TNFRSF9: variants seen among roughly 807,000 people sequenced by gnomAD.
TNFRSF9 encodes the protein TNF receptor superfamily member 9.
Under a neutral mutation model 28.8 loss-of-function variants are expected in TNFRSF9, and 16 were observed. The observed-to-expected ratio is 0.55, with a 90% CI of 0.38 to 0.84. TNFRSF9 has a LOEUF of 0.84. Ranked by LOEUF, TNFRSF9 falls within the 40% of genes least tolerant of loss-of-function variation. The pLI, the probability that TNFRSF9 is intolerant of heterozygous loss-of-function variation, is 0.00. For missense variants in TNFRSF9, 303 were observed against 315.0 expected, an observed-to-expected ratio of 0.96 and a Z score of 0.29; for synonymous variants, 131 against 117.0, an observed-to-expected ratio of 1.12 and a Z score of -0.77.
intron 7 of TNFRSF9, among the ~76,000 whole-genome samples, chr1:7,924,156 C>T (rs1043112186): frequency 3.3e-5 from 5 of 152,032 alleles, no homozygotes; most frequent in Non-Finnish European, 5.9e-5. Flanking sequence ...AAAAAACCTA[C>T]TGAGCTGCCA....
intron 7 of TNFRSF9, among the ~76,000 whole-genome samples, chr1:7,922,391 T>C (rs888253767): frequency 2.6e-5 from 4 of 152,192 alleles, no homozygotes; most frequent in Non-Finnish European, 5.9e-5. Flanking sequence ...GGAAGGCCAA[T>C]TGGGTCAGGA....
intron 7 of TNFRSF9, among the ~76,000 whole-genome samples, chr1:7,929,883 G>A (rs1388190949): frequency 6.6e-6 from 1 of 151,840 alleles, no homozygotes; most frequent in East Asian, 1.9e-4. Flanking sequence ...CCCAGAAACC[G>A]CATGAGAGAT....
chr1:7,939,982 A>C lies in TNFRSF9; in HGVS notation c.13T>G (p.Cys5Gly), dbSNP rs556537043. ...AACAGAGTGGCTACTATGTTGTAAC[A>C]GCTGTTTCCCATGATGAAATCTGGC... MGNS[C>G]YNIVATLLLV... Residue 5 changes from cysteine to glycine, a missense_variant, in exon 2 of 8, where the codon TGT becomes GGT. Physicochemically the swap from Cys to Gly is radical, Grantham distance 159. Coordinates refer to ENST00000377507, the MANE Select transcript of TNFRSF9 (RefSeq NM_001561.6). 11 of 1,593,278 alleles carry C rather than the reference A, an allele frequency of 6.9e-6. No homozygotes were observed. In the East Asian group the frequency reaches 2.3e-4, roughly 33 times the overall value.
At position 7,917,969 on chromosome 1, in the gene TNFRSF9, TATATATAGATATAGATAG is replaced by T. The variant is rs1639503633; in HGVS notation, c.*2848_*2865del. ...AAATTACAAAGGATATATATATATA[TATATATAGATATAGATAG>T]ATAGATAGATAGATAGGCAGAATTT... On this transcript the variant is annotated 3_prime_UTR_variant, in exon 8 of 8. Transcript: ENST00000377507. The T allele has an allele frequency of 1.5e-5, 2 of 135,904 alleles. No individual in the cohort carries two copies. The highest frequency in any genetic ancestry group is 6.7e-5 in the African/African-American group (2 of 29,906). The allele number at this position is 135,904 out of a possible 1,614,324, so 8.4% of individuals were successfully genotyped here.
chr1:7,922,807 A>G (rs1639581125), intron 7 of TNFRSF9, among the ~76,000 whole-genome samples: 1 of 151,662 alleles, frequency 6.6e-6, no homozygotes, highest in South Asian at 2.1e-4. Flanking sequence ...GCAAGACTCC[A>G]TCTCAAAAAA....
rs747748444 is a variant in TNFRSF9 at position 7,939,959 on chromosome 1, C to G, written c.36G>C (p.Leu12=). 12 of 1,605,028 alleles carry G rather than the reference C, an allele frequency of 7.5e-6. No homozygotes were observed. The highest frequency in any genetic ancestry group is 4.0e-5 in the African/African-American group (3 of 74,840). ...GNSCYNIVAT[L]LLVLNFERTR... is the part of the protein sequence containing the mutation. ...TCCTCTCAAAGTTGAGGACCAGCAA[C>G]AGAGTGGCTACTATGTTGTAACAGC... Residue 12 remains leucine (L), a synonymous_variant, in exon 2 of 8, where the codon CTG becomes CTC. Transcript: ENST00000377507.
Position 7,920,908 on chromosome 1 carries a change from A to G in TNFRSF9, c.695T>C (p.Val232Ala), listed in dbSNP as rs141498457. 8.0e-5 allele frequency: 129 copies of G among 1,613,238 alleles called. No homozygotes were observed. Among genetic ancestry groups the G allele is most frequent in the Non-Finnish European group, 1.0e-4 (122 of 1,179,664 alleles). ...YIFKQPFMRP[V>A]QTTQEEDGCS... ...GCCATCTTCCTCTTGAGTAGTTTGT[A>G]CTGGTCTCATAAATGCTAAAAAAAA... is the stretch of plus-strand genomic sequence containing the variant. Residue 232 changes from valine to alanine, a missense_variant, in exon 8 of 8, where the codon GTA becomes GCA. Coordinates refer to ENST00000377507, the MANE Select transcript of TNFRSF9 (RefSeq NM_001561.6).
intron 7 of TNFRSF9, among the ~76,000 whole-genome samples, chr1:7,931,017 C>T (rs771643874): frequency 5.9e-5 from 9 of 152,112 alleles, no homozygotes; most frequent in Non-Finnish European, 1.2e-4. Context: ...GCCAAAATAA[C>T]ATGAAAAGGC....
At position 7,927,062 on chromosome 1, in the gene TNFRSF9, TAA is replaced by T. The variant is rs71567330; in HGVS notation, c.679+6098_679+6099del. ...AACATGGTGAGACTCTGTCTCAAAATAAAAAAAAAAATTACCCAGGCATGCAG... is the reference window on the plus strand; with the variant it reads ...AACATGGTGAGACTCTGTCTCAAAATAAAAAAAAATTACCCAGGCATGCAG... On this transcript the variant is annotated intron_variant, in intron 7 of 7. Coordinates refer to ENST00000377507, the MANE Select transcript of TNFRSF9 (RefSeq NM_001561.6). 7.4e-5 allele frequency among the ~76,000 whole-genome samples: 11 copies of T among 148,118 alleles called. No homozygotes were observed. In the South Asian group the frequency reaches 2.3e-3, roughly 31 times the overall value.
intron 7 of TNFRSF9, among the ~76,000 whole-genome samples, chr1:7,931,645 AG>A (rs1177013251): frequency 4.6e-5 from 7 of 152,244 alleles, no homozygotes; most frequent in Non-Finnish European, 8.8e-5. Context: ...GTGGGCAAAG[AG>A]GGCTGTGATC....
chr1:7,929,044 G>T (rs1639693911), intron 7 of TNFRSF9, among the ~76,000 whole-genome samples: 1 of 151,854 alleles, frequency 6.6e-6, no homozygotes, highest in Admixed American at 6.6e-5. Flanking sequence ...TTGCACCAAG[G>T]CTACTGTATC....
rs1639490028 is a variant in TNFRSF9, at chr1:7,917,075, A to C, written c.*3760T>G. 1 of 152,084 alleles carries C rather than the reference A, an allele frequency of 6.6e-6. No homozygotes were observed. Among genetic ancestry groups the C allele is most frequent in the Admixed American group, 6.6e-5 (1 of 15,256 alleles). 9.4% of individuals were successfully genotyped at this position (152,084 alleles called of 1,614,324 possible). On this transcript the variant is annotated 3_prime_UTR_variant, in exon 8 of 8. Coordinates refer to ENST00000377507, the MANE Select transcript of TNFRSF9 (RefSeq NM_001561.6). ...CTCCCAAATAGCTGGGATTACAGGC[A>C]CATGCCACCATGCCTGACTAATTTT...
At chr1:7,932,688 C>CGT (rs1257670973) in intron 7 of TNFRSF9, among the ~76,000 whole-genome samples, 3 of 149,940 alleles carry the variant, frequency 2.0e-5, no homozygotes, top group Admixed American at 6.6e-5. Flanking sequence ...CACGCACGCA[C>CGT]GCGCACACAC....
In TNFRSF9 at chr1:7,939,893, A is replaced by AC. The variant is rs1196288962; in HGVS notation, c.100+1dup. The stretch of plus-strand genomic sequence containing the variant: ...AAATGCACATGATAACTGGGTACTC[A>AC]CCAGCTGGGCAGTTACTACAAGGAT... On this transcript the variant is annotated splice_donor_variant, in intron 2 of 7. Coordinates refer to ENST00000377507, the MANE Select transcript of TNFRSF9 (RefSeq NM_001561.6). LOFTEE classifies it high-confidence loss of function. 3 of 1,592,822 alleles carry AC rather than the reference A, an allele frequency of 1.9e-6. No individual in the cohort carries two copies. The African/African-American group carries it at 4.0e-5, about 21-fold the overall frequency.
At position 7,917,996 on chromosome 1, in the gene TNFRSF9, ATAGATAGG is replaced by A. The variant is rs1309628210; in HGVS notation, c.*2831_*2838del. ...TATATAGATATAGATAGATAGATAGATAGATAGGCAGAATTTCACTCTTGTCACCCAGT... is the reference window on the plus strand; with the variant it reads ...TATATAGATATAGATAGATAGATAGACAGAATTTCACTCTTGTCACCCAGT... On this transcript the variant is annotated 3_prime_UTR_variant, in exon 8 of 8. Coordinates refer to ENST00000377507, the MANE Select transcript of TNFRSF9 (RefSeq NM_001561.6). 634 of 151,750 alleles carry A rather than the reference ATAGATAGG, an allele frequency of 4.2e-3. 4 individuals carry two copies. The highest frequency in any genetic ancestry group is 0.015 in the African/African-American group (611 of 41,288). The allele number at this position is 151,750 out of a possible 1,614,324, so 9.4% of individuals were successfully genotyped here.
intron 6 of TNFRSF9, 91 bp downstream of exon 6, chr1:7,934,922 G>C: frequency 6.5e-7 from 1 of 1,530,570 alleles, no homozygotes; most frequent in Non-Finnish European, 8.9e-7. Context: ...GGAGGTGCCT[G>C]ATATGAGATA....
At position 7,938,806 on chromosome 1, in the gene TNFRSF9, C is replaced by T. The variant is rs1413994522; in HGVS notation, c.123G>A (p.Arg41=). ...GAGGACAGGGACTGCAAATCTGATT[C>T]CTGTTATTATCACAGAATGTACCTA... ...CPAGTFCDNN[R]NQICSPCPPN... is the part of the protein sequence containing the mutation. Residue 41 remains arginine, a synonymous_variant, in exon 3 of 8, where the codon AGG becomes AGA. Transcript: ENST00000377507. 1 of 1,613,180 alleles carries T rather than the reference C, an allele frequency of 6.2e-7. No homozygotes were observed. The highest frequency in any genetic ancestry group is 1.3e-5 in the African/African-American group (1 of 74,912).
intron 6 of TNFRSF9, among the ~76,000 whole-genome samples, chr1:7,933,651 T>C (rs572497263): frequency 2.0e-5 from 3 of 151,098 alleles, no homozygotes; most frequent in African/African-American, 7.3e-5. Flanking sequence ...GCTAAGATGG[T>C]GCCACTGCAC....
At chr1:7,927,669 GA>G (rs569881450) in intron 7 of TNFRSF9, among the ~76,000 whole-genome samples, 2 of 127,616 alleles carry the variant, frequency 1.6e-5, no homozygotes, top group Admixed American at 1.6e-4. Flanking sequence ...CCCTGTCTCA[GA>G]AAAAAAAAAT....
Sources: gnomAD v4.1 joint callset for allele counts (sites outside exome capture counted in the v4.1 genomes callset) on GRCh38, gnomAD v4.1.1 for gene constraint, MANE v1.5 for transcripts, NCBI Gene and HGNC (gene_info 2026-07-23, HGNC 2026-07-21) for gene names.